KATNB1: variants seen among roughly 807,000 people sequenced by gnomAD.
The protein encoded by KATNB1 is katanin p80 WD40 repeat-containing subunit B1.
A neutral mutation model predicts 82.3 loss-of-function variants in KATNB1; 38 were observed. That is an observed-to-expected ratio of 0.46 (90% CI 0.36 to 0.61). The LOEUF (loss-of-function observed/expected upper bound fraction) is 0.61, where lower values mean the gene tolerates loss of function less well. KATNB1 is among the 20% of genes least tolerant of loss of function. The pLI, the probability that KATNB1 is intolerant of heterozygous loss-of-function variation, is 0.00. For synonymous variants in KATNB1, 361 were observed against 368.7 expected (o/e 0.98, Z 0.24); for missense variants, 749 against 915.7 (o/e 0.82, Z 2.35).
chr16:57,755,558 G>C, intron 16 of KATNB1, 64 bp downstream of exon 16: 1 of 1,575,770 alleles, frequency 6.3e-7, no homozygotes, highest in South Asian at 1.2e-5. Context: ...TGCCTGCCCG[G>C]GCTTGGGGCA....
chr16:57,754,541 G>A (rs960591533), intron 13 of KATNB1, among the ~76,000 whole-genome samples: 1 of 152,170 alleles, frequency 6.6e-6, no homozygotes, highest in Non-Finnish European at 1.5e-5. Context: ...GGCAGGCATG[G>A]GGCCACCTGT....
In KATNB1 at chr16:57,757,005, C is replaced by T. The variant is rs1055896371; in HGVS notation, c.*59C>T. ...CAGGGCCTGGCCTCAGCCCCCACTC[C>T]TGTTCCTTGTGCACCCACTGGCCCA... On this transcript the variant is annotated 3_prime_UTR_variant, in exon 20 of 20. Coordinates refer to ENST00000379661, the MANE Select transcript of KATNB1 (RefSeq NM_005886.3). 17 of 1,438,934 alleles carry T rather than the reference C, an allele frequency of 1.2e-5. 2 individuals are homozygous for T. In the South Asian group the frequency reaches 2.0e-4, roughly 17 times the overall value. The allele number at this position is 1,438,934 out of a possible 1,614,324, so 89.1% of individuals were successfully genotyped here.
intron 3 of KATNB1, among the ~76,000 whole-genome samples, chr16:57,743,989 C>T (rs904414049): frequency 4.6e-5 from 7 of 152,190 alleles, no homozygotes; most frequent in Non-Finnish European, 7.3e-5. Flanking sequence ...TGGCTTACCT[C>T]GCTGAGGGGC....
At chr16:57,756,289 C>T in intron 18 of KATNB1, 67 bp from the exon 19 acceptor site, 1 of 1,413,136 alleles carries the variant, frequency 7.1e-7, no homozygotes, top group South Asian at 1.2e-5. Flanking sequence ...CTCCTTTGTT[C>T]CTTGCTGTTT....
At chr16:57,740,934 C>CT (rs1382795997) in intron 2 of KATNB1, among the ~76,000 whole-genome samples, 1 of 152,268 alleles carries the variant, frequency 6.6e-6, no homozygotes, top group Non-Finnish European at 1.5e-5. Flanking sequence ...TCGCCTGCTA[C>CT]TAAGCAGCAC....
intron 2 of KATNB1, among the ~76,000 whole-genome samples, chr16:57,737,853 G>A (rs2049112842): frequency 6.6e-6 from 1 of 152,142 alleles, no homozygotes; most frequent in Non-Finnish European, 1.5e-5. Flanking sequence ...GAATTATTGA[G>A]GACCCCAGAG....
intron 18 of KATNB1, 142 bp downstream of exon 18, chr16:57,756,208 G>A (rs1040650572): frequency 2.3e-5 from 27 of 1,156,124 alleles, no homozygotes; most frequent in Admixed American, 3.5e-5. Context: ...TCAACAGTCC[G>A]GAGGTGGGAG....
intron 2 of KATNB1, among the ~76,000 whole-genome samples, chr16:57,738,263 T>TC (rs1338977773): frequency 4.0e-5 from 6 of 148,882 alleles, no homozygotes; most frequent in Non-Finnish European, 7.5e-5. Flanking sequence ...ACTCCACACT[T>TC]TTTTTTTTTT....
At chr16:57,753,827 A>C (rs1597830476) in intron 12 of KATNB1, 118 bp from the exon 13 acceptor site, 1 of 946,106 alleles carries the variant, frequency 1.1e-6, no homozygotes, top group South Asian at 1.6e-5. Context: ...AGCAGGGTCC[A>C]CAGTCTGCAG....
rs781840467 is a variant in KATNB1 at position 57,753,522 on chromosome 16, G to A, written c.1177+3G>A. 1 of 1,612,778 alleles carries A rather than the reference G, an allele frequency of 6.2e-7. No individual in the cohort carries two copies. Among genetic ancestry groups the A allele is most frequent in the South Asian group, 1.1e-5 (1 of 91,050 alleles). ...CTTCCAGCCCAAGAACAGCATCAGT[G>A]AGGCCGGGCTCCCGCCCCCAGCCCA... On this transcript the variant is annotated splice_donor_region_variant and intron_variant, in intron 12 of 19. Coordinates refer to ENST00000379661, the MANE Select transcript of KATNB1 (RefSeq NM_005886.3).
rs201477611 is a variant in KATNB1, at chr16:57,753,995, G to A, written c.1228G>A (p.Asp410Asn). 1.9e-5 allele frequency: 30 copies of A among 1,613,208 alleles called. No individual in the cohort carries two copies. Among genetic ancestry groups the A allele is most frequent in the African/African-American group, 1.5e-4 (11 of 74,860 alleles). ...SEPFPAPPEDDAATAKEAAKP... is the reference protein window; with the variant it reads ...SEPFPAPPEDNAATAKEAAKP... ...GCCCTTCCCTGCACCCCCAGAGGAC[G>A]GTGAGTTGGGTGAGCCTGGTTTCCC... The change falls in exon 13 of 20, where the codon GAC becomes AAC. Residue 410 changes from aspartate (D) to asparagine (N), a missense_variant and splice_region_variant. Coordinates refer to ENST00000379661, the MANE Select transcript of KATNB1 (RefSeq NM_005886.3).
Position 57,755,211 on chromosome 16 carries a change from C to T in KATNB1, c.1389C>T (p.Ile463=), listed in dbSNP as rs372101330. 59 of 1,611,486 alleles carry T rather than the reference C, an allele frequency of 3.7e-5. No homozygotes were observed. The highest frequency in any genetic ancestry group is 3.3e-4 in the Middle Eastern group (2 of 6,084). ...AIIPATRNEP[I]GLKASDFLPA... Reference sequence around the variant, plus strand: ...TCCCTGCCACCCGGAACGAGCCCATCGGGCTGAAGGCCTCCGACTTCCTGC... The same window carrying T: ...TCCCTGCCACCCGGAACGAGCCCATTGGGCTGAAGGCCTCCGACTTCCTGC... Residue 463 remains isoleucine, a synonymous_variant, in exon 15 of 20, where the codon ATC becomes ATT. Coordinates refer to ENST00000379661, the MANE Select transcript of KATNB1 (RefSeq NM_005886.3).
chr16:57,754,579 A>G (rs531182127), intron 13 of KATNB1, among the ~76,000 whole-genome samples: 3 of 152,272 alleles, frequency 2.0e-5, no homozygotes, highest in African/African-American at 7.2e-5. Flanking sequence ...CCCTCCCCTC[A>G]GGGACCGTCC....
intron 19 of KATNB1, 163 bp from the exon 20 acceptor site, chr16:57,756,651 C>G (rs2049289229): frequency 3.1e-6 from 4 of 1,298,472 alleles, no homozygotes; most frequent in Non-Finnish European, 4.1e-6. Context: ...CCTCCATGGC[C>G]TGGCTGTGCC....
chr16:57,757,146 G>A lies in KATNB1; in HGVS notation c.*200G>A. The A allele has an allele frequency of 2.2e-6, 1 of 460,874 alleles. No homozygotes were observed. The highest frequency in any genetic ancestry group is 3.6e-6 in the Non-Finnish European group (1 of 281,312). The allele number at this position is 460,874 out of a possible 1,614,324, so 28.5% of individuals were successfully genotyped here. On this transcript the variant is annotated 3_prime_UTR_variant, in exon 20 of 20. Transcript: ENST00000379661. ...GAGACAACTCTCTCCAGCAATAGCTGCCCAGCTTTGCCCAACTGTTGCTTC... is the reference window on the plus strand; with the variant it reads ...GAGACAACTCTCTCCAGCAATAGCTACCCAGCTTTGCCCAACTGTTGCTTC...
intron 9 of KATNB1, 59 bp downstream of exon 9, chr16:57,752,660 G>A: frequency 1.9e-6 from 3 of 1,546,176 alleles, no homozygotes; most frequent in African/African-American, 1.4e-5. Context: ...GCGTGGCTGT[G>A]GGTGGGCCTT....
At chr16:57,739,252 G>A (rs1476809221) in intron 2 of KATNB1, among the ~76,000 whole-genome samples, 5 of 152,234 alleles carry the variant, frequency 3.3e-5, no homozygotes, top group South Asian at 4.1e-4. Context: ...TCATGTGCAC[G>A]GTGGTGTCCG....
chr16:57,756,973 C>T lies in KATNB1; in HGVS notation c.*27C>T. The T allele has an allele frequency of 6.7e-7, 1 of 1,488,270 alleles. No homozygotes were observed. The allele number at this position is 1,488,270 out of a possible 1,614,324, so 92.2% of individuals were successfully genotyped here. On this transcript the variant is annotated 3_prime_UTR_variant, in exon 20 of 20. Transcript: ENST00000379661. The stretch of plus-strand genomic sequence containing the variant: ...GAAAGCAGTGGGCAGGGGCGCTCGG[C>T]AGCCCACAGGGCCTGGCCTCAGCCC...
rs138296336 is a variant in KATNB1, at chr16:57,744,552, T to C, written c.289+41T>C. On this transcript the variant is annotated intron_variant, in intron 4 of 19. Coordinates refer to ENST00000379661, the MANE Select transcript of KATNB1 (RefSeq NM_005886.3). ...TGCCTCCTGTGCACGCACACCTGCC[T>C]TAGTCTTCAGGCTCTGCAGTTGTAC... 6.3e-4 allele frequency: 943 copies of C among 1,485,920 alleles called. 3 individuals carry two copies. The African/African-American group carries it at 0.011, about 17-fold the overall frequency. 92.0% of individuals were successfully genotyped at this position (1,485,920 alleles called of 1,614,324 possible). A position where few individuals can be genotyped will look rare whatever the true frequency, so the allele number is the denominator to read the frequency against.
Sources: gnomAD v4.1 joint callset for allele counts (sites outside exome capture counted in the v4.1 genomes callset) on GRCh38, gnomAD v4.1.1 for gene constraint, MANE v1.5 for transcripts, NCBI Gene and HGNC (gene_info 2026-07-23, HGNC 2026-07-21) for gene names.